Variants in TCF4 observed in about 807,000 individuals in gnomAD.
The protein encoded by TCF4 is SL3-3 enhancer factor 2.
In TCF4, 3 loss-of-function variants were observed where a neutral mutation model predicts 82.1. That is an observed-to-expected ratio of 0.04 (90% confidence interval 0.02 to 0.09). The LOEUF (loss-of-function observed/expected upper bound fraction) is 0.09, where lower values mean the gene tolerates loss of function less well. Ranked by LOEUF, TCF4 falls within the 10% of genes least tolerant of loss-of-function variation. The probability of loss-of-function intolerance (pLI) is 1.00; values close to 1 mark genes in which losing one functional copy is unlikely to be tolerated. For synonymous variants in TCF4, 276 were observed against 309.6 expected (o/e 0.89, Z 1.14); for missense variants, 518 against 852.7 (o/e 0.61, Z 4.89).
intron 8 of TCF4, among the ~76,000 whole-genome samples, chr18:55,341,816 T>C (rs770409147): frequency 6.6e-6 from 1 of 152,154 alleles, no homozygotes; most frequent in Non-Finnish European, 1.5e-5. Flanking sequence ...TTACACTTTG[T>C]GGGTTATTTT....
intron 6 of TCF4, among the ~76,000 whole-genome samples, chr18:55,399,872 TCTCTCTCTCACACACA>T (rs1351519445): frequency 1.5e-5 from 2 of 131,994 alleles, no homozygotes; most frequent in African/African-American, 3.1e-5. Context: ...TCTCTCTCTC[TCTCTCTCTCACACACA>T]CACACACACA....
At chr18:55,527,415 T>A (rs192527523) in intron 3 of TCF4, among the ~76,000 whole-genome samples, 1 of 152,168 alleles carries the variant, frequency 6.6e-6, no homozygotes, top group Non-Finnish European at 1.5e-5. Flanking sequence ...ATTGTTTATA[T>A]GCATACAAGC....
chr18:55,487,143 G>A (rs969612294), intron 3 of TCF4, among the ~76,000 whole-genome samples: 3 of 152,120 alleles, frequency 2.0e-5, no homozygotes, highest in East Asian at 1.9e-4. Flanking sequence ...TTCCTTCTGT[G>A]CCTCAATCAC....
chr18:55,603,874 A>G (rs2097699732), intron 2 of TCF4, among the ~76,000 whole-genome samples: 1 of 152,058 alleles, frequency 6.6e-6, no homozygotes, highest in African/African-American at 2.4e-5. Context: ...GGAGAAAACA[A>G]TTTCTCCGAG....
At chr18:55,625,883 A>G (rs994950822) in intron 2 of TCF4, among the ~76,000 whole-genome samples, 1 of 152,184 alleles carries the variant, frequency 6.6e-6, no homozygotes, top group Non-Finnish European at 1.5e-5. Flanking sequence ...TGTTCTTTTC[A>G]CTGAATGTAA....
chr18:55,259,965 A>G lies in TCF4; in HGVS notation c.1053T>C (p.Ser351=). ...ATACACTACCTGAGAGAGATGGAGGAGAGCCAACAGGAGTTGAAGGGTTTG... is the reference window on the plus strand; with the variant it reads ...ATACACTACCTGAGAGAGATGGAGGGGAGCCAACAGGAGTTGAAGGGTTTG... The part of the protein sequence containing the change: ...FSSNPSTPVG[S]PPSLSAGTAV... Residue 351 remains serine (S), a synonymous_variant, in exon 13 of 20, where the codon TCT becomes TCC. Transcript: ENST00000354452. 6.2e-7 allele frequency: 1 copy of G among 1,612,876 alleles called. No homozygotes were observed. Among genetic ancestry groups the G allele is most frequent in the Non-Finnish European group, 8.5e-7 (1 of 1,178,994 alleles).
At chr18:55,313,119 C>G (rs979745064) in intron 8 of TCF4, among the ~76,000 whole-genome samples, 1 of 152,086 alleles carries the variant, frequency 6.6e-6, no homozygotes, top group African/African-American at 2.4e-5. Context: ...ACTGACCTAG[C>G]AAACAGATGG....
At chr18:55,314,889 C>A (rs2073687012) in intron 8 of TCF4, among the ~76,000 whole-genome samples, 3 of 152,056 alleles carry the variant, frequency 2.0e-5, no homozygotes, top group African/African-American at 7.2e-5. Context: ...ATTATTGGTG[C>A]AGTCATTCAG....
chr18:55,251,915 G>C (rs2145397218), intron 15 of TCF4, among the ~76,000 whole-genome samples: 1 of 149,194 alleles, frequency 6.7e-6, no homozygotes, highest in South Asian at 2.1e-4. Flanking sequence ...TGTTGTTGTG[G>C]GGAAGGGGGA....
intron 8 of TCF4, among the ~76,000 whole-genome samples, chr18:55,339,586 A>G (rs75996085): frequency 6.6e-6 from 1 of 152,156 alleles, no homozygotes; most frequent in Non-Finnish European, 1.5e-5. Context: ...TTCCCGAGGA[A>G]TCTAACTCAG....
At chr18:55,325,340 C>T (rs139156794) in intron 8 of TCF4, among the ~76,000 whole-genome samples, 73 of 152,210 alleles carry the variant, frequency 4.8e-4, no homozygotes, top group African/African-American at 1.7e-3. Context: ...TGAAGGCAAT[C>T]GCACATACAT....
chr18:55,231,609 G>C (rs1266722493), intron 17 of TCF4: 2 of 152,160 alleles, frequency 1.3e-5, no homozygotes, highest in African/African-American at 4.8e-5. Flanking sequence ...CCCCTCCTTG[G>C]GATTTCTTGC....
chr18:55,492,280 CCTT>C (rs2096584859), intron 3 of TCF4: 1 of 152,128 alleles, frequency 6.6e-6, no homozygotes, highest in African/African-American at 2.4e-5. Flanking sequence ...GATTCTAGAA[CCTT>C]CTTATGTTTG....
At chr18:55,462,246 A>C (rs1181640344) in intron 4 of TCF4, among the ~76,000 whole-genome samples, 1 of 152,210 alleles carries the variant, frequency 6.6e-6, no homozygotes, top group African/African-American at 2.4e-5. Context: ...AAGAGGCTAC[A>C]TTTTAAATAC....
intron 3 of TCF4, among the ~76,000 whole-genome samples, chr18:55,476,487 T>G (rs2096291636): frequency 6.6e-6 from 1 of 151,764 alleles, no homozygotes; most frequent in African/African-American, 2.4e-5. Flanking sequence ...TTTTGTTTTT[T>G]TTTGAGATGG....
At chr18:55,476,598 C>G (rs1447495381) in intron 3 of TCF4, among the ~76,000 whole-genome samples, 2 of 152,014 alleles carry the variant, frequency 1.3e-5, no homozygotes, top group Non-Finnish European at 2.9e-5. Flanking sequence ...ACCTCACCCT[C>G]CTGAGTAGCT....
intron 3 of TCF4, among the ~76,000 whole-genome samples, chr18:55,502,798 A>AT (rs1195495973): frequency 9.8e-5 from 15 of 152,340 alleles, no homozygotes; most frequent in Non-Finnish European, 1.9e-4. Flanking sequence ...TAGCTAATTC[A>AT]TTTTTCTAAA....
At chr18:55,594,188 C>T (rs1445853251) in intron 2 of TCF4, among the ~76,000 whole-genome samples, 1 of 152,232 alleles carries the variant, frequency 6.6e-6, no homozygotes, top group African/African-American at 2.4e-5. Flanking sequence ...AAGGCTAACT[C>T]CCTGTCATCC....
intron 3 of TCF4, among the ~76,000 whole-genome samples, chr18:55,505,118 T>C (rs916286162): frequency 6.6e-6 from 1 of 152,134 alleles, no homozygotes; most frequent in African/African-American, 2.4e-5. Flanking sequence ...AGAATAAGCC[T>C]GACCTATGGA....
Sources: gnomAD v4.1 joint callset for allele counts (sites outside exome capture counted in the v4.1 genomes callset) on GRCh38, gnomAD v4.1.1 for gene constraint, MANE v1.5 for transcripts, NCBI Gene and HGNC (gene_info 2026-07-23, HGNC 2026-07-21) for gene names.